The following CACNA1I variants were observed in gnomAD, a reference collection of about 807,000 sequenced individuals.
CACNA1I encodes the protein calcium voltage-gated channel subunit alpha1 I.
In CACNA1I, 74 loss-of-function variants were observed where a neutral mutation model predicts 201.6. The observed-to-expected ratio is 0.37, with a 90% CI of 0.30 to 0.45. The LOEUF is 0.45. CACNA1I is among the 20% of genes least tolerant of loss of function. CACNA1I has a pLI of 1.00. For synonymous variants in CACNA1I, 1,431 were observed against 1,345.2 expected (o/e 1.06, Z -1.40); for missense variants, 2,346 against 3,138.1 (o/e 0.75, Z 6.03).
intron 1 of CACNA1I, among the ~76,000 whole-genome samples, chr22:39,575,780 A>ATT (rs67493157): frequency 7.6e-5 from 11 of 144,600 alleles, no homozygotes; most frequent in African/African-American, 2.8e-4. Context: ...CTTTTCTTTC[A>ATT]TTTTTTTTTT....
chr22:39,657,802 A>T (rs1431489542), intron 10 of CACNA1I, among the ~76,000 whole-genome samples: 1 of 152,212 alleles, frequency 6.6e-6, no homozygotes, highest in South Asian at 2.1e-4. Context: ...CTTGCTCTGC[A>T]TCTTAGCCGT....
chr22:39,609,502 G>T (rs1601814624), intron 3 of CACNA1I, among the ~76,000 whole-genome samples: 2 of 152,216 alleles, frequency 1.3e-5, no homozygotes, highest in Non-Finnish European at 2.9e-5. Flanking sequence ...TTCTTTCATG[G>T]TCACAAGGCA....
At position 39,629,693 on chromosome 22, in the gene CACNA1I, G is replaced by A. The variant is rs1934001561; in HGVS notation, c.581-4872G>A. Among the ~76,000 whole-genome samples the A allele has an allele frequency of 1.3e-5, 2 of 152,100 alleles. No homozygotes were observed. The highest frequency in any genetic ancestry group is 2.1e-4 in the South Asian group (1 of 4,830). On this transcript the variant is annotated intron_variant, in intron 4 of 36. Coordinates refer to ENST00000402142, the MANE Select transcript of CACNA1I (RefSeq NM_021096.4). This position sits in a 1 kb window ranked among gnomAD's most constrained non-coding sequence, Gnocchi z 4.8. The stretch of plus-strand genomic sequence containing the variant: ...AGCTCTCCTGGGCCCCACACTCAGC[G>A]CTCCGGTTTCTGTCCCACGTGAGAC...
intron 1 of CACNA1I, among the ~76,000 whole-genome samples, chr22:39,575,578 C>T (rs969691289): frequency 2.6e-5 from 4 of 152,092 alleles, no homozygotes; most frequent in South Asian, 4.1e-4. Context: ...GAACATCAGA[C>T]CCAATCTCTG....
chr22:39,577,020 C>T (rs994760316), intron 1 of CACNA1I, among the ~76,000 whole-genome samples: 3 of 151,972 alleles, frequency 2.0e-5, no homozygotes, highest in South Asian at 2.1e-4. Context: ...GGTGCGATCT[C>T]GGCTCACTGC....
Position 39,629,572 on chromosome 22 carries a change from A to G in CACNA1I, c.581-4993A>G, listed in dbSNP as rs1034748509. 1.3e-5 allele frequency among the ~76,000 whole-genome samples: 2 copies of G among 148,328 alleles called. No homozygotes were observed. Among genetic ancestry groups the G allele is most frequent in the African/African-American group, 5.0e-5 (2 of 40,126 alleles). ...AGGCAGGACGGAGAGGAGCAGGGGG[A>G]CGGAAGGCCCAATCATCAGGCCGTG... On this transcript the variant is annotated intron_variant, in intron 4 of 36. Coordinates refer to ENST00000402142, the MANE Select transcript of CACNA1I (RefSeq NM_021096.4). This position sits in a 1 kb window ranked among gnomAD's most constrained non-coding sequence, Gnocchi z 4.8.
chr22:39,677,057 T>C lies in CACNA1I; in HGVS notation c.4855-284T>C, dbSNP rs1935532286. 6.6e-6 allele frequency among the ~76,000 whole-genome samples: 1 copy of C among 152,182 alleles called. No individual in the cohort carries two copies. Among genetic ancestry groups the C allele is most frequent in the Non-Finnish European group, 1.5e-5 (1 of 68,028 alleles). Reference sequence around the variant, plus strand: ...GGGATAAAAGATAGTTCGTGGATTATTGTGAGGAGGAAGTGAGCTCATGAA... The same window carrying C: ...GGGATAAAAGATAGTTCGTGGATTACTGTGAGGAGGAAGTGAGCTCATGAA... On this transcript the variant is annotated intron_variant, in intron 29 of 36. Transcript: ENST00000402142. The surrounding 1 kb of genome is among the most constrained non-coding windows in gnomAD (Gnocchi z 4.8).
chr22:39,682,764 T>C (rs1367871358), intron 35 of CACNA1I, 103 bp downstream of exon 35: 22 of 962,200 alleles, frequency 2.3e-5, no homozygotes, highest in Non-Finnish European at 3.2e-5. Flanking sequence ...ACCCAGATTA[T>C]TATATTTAGT....
At chr22:39,663,637 T>G in intron 18 of CACNA1I, 81 bp from the exon 19 acceptor site, 2 of 1,565,574 alleles carry the variant, frequency 1.3e-6, no homozygotes, top group Non-Finnish European at 1.7e-6. Flanking sequence ...TGGTCTGCAC[T>G]GCTGCCTGGG....
intron 1 of CACNA1I, among the ~76,000 whole-genome samples, chr22:39,583,118 A>T (rs1278578822): frequency 6.7e-6 from 1 of 149,816 alleles, no homozygotes; most frequent in African/African-American, 2.5e-5. Context: ...CTGTCCATCC[A>T]TGCATGCATC....
chr22:39,571,354 G>A (rs995229620), intron 1 of CACNA1I, among the ~76,000 whole-genome samples: 7 of 152,110 alleles, frequency 4.6e-5, no homozygotes, highest in Non-Finnish European at 1.0e-4. Context: ...GATGGGAGCC[G>A]TGATCAGGAA....
chr22:39,685,337 A>C lies in CACNA1I; in HGVS notation c.6028-424A>C. 8.5e-6 allele frequency: 1 copy of C among 117,408 alleles called. No homozygotes were observed. 7.3% of individuals were successfully genotyped at this position (117,408 alleles called of 1,614,324 possible). Reference sequence around the variant, plus strand: ...TCTGGGGCTGGGAGGTGGGGGGCCCACGGGGCCGGGAGGTGGGGGCCAGGG... The same window carrying C: ...TCTGGGGCTGGGAGGTGGGGGGCCCCCGGGGCCGGGAGGTGGGGGCCAGGG... On this transcript the variant is annotated intron_variant, in intron 36 of 36. Coordinates refer to ENST00000402142, the MANE Select transcript of CACNA1I (RefSeq NM_021096.4). The surrounding 1 kb of genome is among the most constrained non-coding windows in gnomAD (Gnocchi z 5.0).
intron 1 of CACNA1I, among the ~76,000 whole-genome samples, chr22:39,576,101 T>G (rs1258982514): frequency 6.6e-6 from 1 of 152,344 alleles, no homozygotes; most frequent in East Asian, 1.9e-4. Flanking sequence ...GGAGCATAGC[T>G]GGCTGCATAT....
intron 1 of CACNA1I, among the ~76,000 whole-genome samples, chr22:39,586,435 T>G (rs1465203758): frequency 6.6e-6 from 1 of 152,096 alleles, no homozygotes; most frequent in African/African-American, 2.4e-5. Context: ...GAGGTTGCAG[T>G]GAGCCAAGAT....
intron 1 of CACNA1I, 72 bp from the exon 2 acceptor site, chr22:39,598,079 T>C (rs1932931118): frequency 1.2e-6 from 1 of 841,064 alleles, no homozygotes; most frequent in African/African-American, 1.7e-5. Flanking sequence ...GTTGCGGGTA[T>C]TACACTCTAG....
chr22:39,649,608 G>A lies in CACNA1I; in HGVS notation c.1675G>A (p.Glu559Lys). Residue 559 changes from glutamate to lysine, a missense_variant, in exon 10 of 37, where the codon GAG (glutamate) becomes AAG (lysine). By Grantham distance (56) the Glu-to-Lys change is moderately conservative. This residue lies in a region of CACNA1I where 312 missense variants were observed against 331.5 expected (regional missense o/e 0.94). Transcript: ENST00000402142. This position sits in a 1 kb window ranked among gnomAD's most constrained non-coding sequence, Gnocchi z 7.3. ...DPASCPCCQH[E>K]DGRRPSGLGS... ...CGCCAGCTGCCCTTGCTGCCAGCAT[G>A]AGGACGGCCGGCGGCCCTCGGGCCT... 1.3e-6 allele frequency: 2 copies of A among 1,538,258 alleles called. No homozygotes were observed. Among genetic ancestry groups the A allele is most frequent in the Non-Finnish European group, 1.8e-6 (2 of 1,141,050 alleles).
At position 39,648,230 on chromosome 22, in the gene CACNA1I, G is replaced by C. The variant is rs77273762; in HGVS notation, c.1567+304G>C. ...TCAGAGCTGCCGCCCACCCGTCCTC[G>C]GGTGCCAGCCATCCAGGCGTGGGCT... On this transcript the variant is annotated intron_variant, in intron 9 of 36. Coordinates refer to ENST00000402142, the MANE Select transcript of CACNA1I (RefSeq NM_021096.4). The surrounding 1 kb of genome is among the most constrained non-coding windows in gnomAD (Gnocchi z 5.4). Among the ~76,000 whole-genome samples the C allele has an allele frequency of 6.6e-6, 1 of 152,040 alleles. No homozygotes were observed. The highest frequency in any genetic ancestry group is 1.5e-5 in the Non-Finnish European group (1 of 68,018).
chr22:39,645,671 G>A (rs1364819725), intron 7 of CACNA1I, among the ~76,000 whole-genome samples: 3 of 152,170 alleles, frequency 2.0e-5, no homozygotes, highest in African/African-American at 4.8e-5. Context: ...ACCTCCTGGC[G>A]GGCACCTCCA....
chr22:39,659,051 C>T lies in CACNA1I; in HGVS notation c.2265C>T (p.Leu755=), dbSNP rs759539104. The T allele has an allele frequency of 1.9e-6, 3 of 1,613,526 alleles. No individual in the cohort carries two copies. Among genetic ancestry groups the T allele is most frequent in the South Asian group, 2.2e-5 (2 of 90,934 alleles). Residue 755 remains leucine (L), a synonymous_variant, in exon 12 of 37, where the codon CTC becomes CTT. Coordinates refer to ENST00000402142, the MANE Select transcript of CACNA1I (RefSeq NM_021096.4). This position sits in a 1 kb window ranked among gnomAD's most constrained non-coding sequence, Gnocchi z 4.3. ...MPALRRQLVV[L]MKTMDNVATF... ...CCCTGCGGCGCCAGCTCGTGGTGCT[C>T]ATGAAGACCATGGACAACGTGGCCA...
Sources: allele counts gnomAD v4.1 joint callset (sites outside exome capture counted in the v4.1 genomes callset), GRCh38; gene constraint gnomAD v4.1.1; regional missense constraint gnomAD v4.1.1; non-coding constraint Gnocchi (gnomAD v3.1); transcripts MANE v1.5; gene names NCBI Gene and HGNC (gene_info 2026-07-23, HGNC 2026-07-21).